Variants in DOCK9 observed in about 807,000 individuals in gnomAD.
DOCK9 encodes the protein dedicator of cytokinesis 9.
DOCK9 carries 89 observed loss-of-function variants against 263.3 expected under a neutral mutation model. The ratio of observed to expected loss-of-function variants is 0.34; its 90% CI spans 0.28 to 0.40. DOCK9 has a LOEUF of 0.40. DOCK9 is among the 10% of genes least tolerant of loss of function. DOCK9 has a pLI of 1.00. For missense variants in DOCK9, 2,140 were observed against 2,603.4 expected (o/e 0.82, Z 3.87); for synonymous variants, 976 against 973.1 (o/e 1.00, Z -0.06).
rs2041364166 is a variant in DOCK9 at position 99,065,242 on chromosome 13, A to AGTG, written c.129+20980_129+20981insCAC. On this transcript the variant is annotated intron_variant, in intron 1 of 32. Coordinates refer to the DOCK9 transcript ENST00000427887. ...TTCAAATACACATCAGCTTAGTCCC[A>AGTG]AAATACTTCTTACACATAACTTACA... Among the ~76,000 whole-genome samples the AGTG allele has an allele frequency of 2.0e-5, 3 of 152,320 alleles. No individual in the cohort carries two copies. The South Asian group carries it at 6.2e-4, about 32-fold the overall frequency.
rs180986026 is a variant in DOCK9 at position 99,063,140 on chromosome 13, A to T, written c.129+23083T>A. 4.2e-3 allele frequency among the ~76,000 whole-genome samples: 646 copies of T among 152,368 alleles called. 7 individuals carry two copies. Among genetic ancestry groups the T allele is most frequent in the South Asian group, 0.032 (154 of 4,826 alleles). ...AATATTAGAGAAGGATTTAAGAAAC[A>T]AAAGAAAAGAACCAACAGGAAGGCT... On this transcript the variant is annotated intron_variant, in intron 1 of 32. Coordinates refer to the DOCK9 transcript ENST00000427887.
At chr13:99,019,976 C>T (rs1285120427) in intron 1 of DOCK9, among the ~76,000 whole-genome samples, 1 of 152,162 alleles carries the variant, frequency 6.6e-6, no homozygotes, top group African/African-American at 2.4e-5. Context: ...GTGGTGTGCA[C>T]CTGTAGTCCC....
intron 30 of DOCK9, among the ~76,000 whole-genome samples, chr13:98,866,443 C>T (rs935069857): frequency 2.0e-5 from 3 of 152,146 alleles, no homozygotes; most frequent in East Asian, 1.9e-4. Flanking sequence ...GTGTTTCTCT[C>T]GGAATTCAGA....
intron 38 of DOCK9, among the ~76,000 whole-genome samples, chr13:98,845,548 A>G (rs1392896439): frequency 6.6e-6 from 1 of 152,224 alleles, no homozygotes; most frequent in African/African-American, 2.4e-5. Context: ...GGTGAAAGAA[A>G]TCCATCCCGA....
At chr13:98,799,101 C>T (rs2089799815) in intron 50 of DOCK9, among the ~76,000 whole-genome samples, 1 of 152,184 alleles carries the variant, frequency 6.6e-6, no homozygotes, top group African/African-American at 2.4e-5. Flanking sequence ...TATTTTGGCA[C>T]ATATGTCTTT....
chr13:99,016,294 G>A (rs1885405203), intron 1 of DOCK9, among the ~76,000 whole-genome samples: 1 of 152,186 alleles, frequency 6.6e-6, no homozygotes, highest in Non-Finnish European at 1.5e-5. Flanking sequence ...TTGCACGTAT[G>A]GATAACAGCT....
intron 45 of DOCK9, among the ~76,000 whole-genome samples, chr13:98,812,975 T>C (rs2091460503): frequency 6.6e-6 from 1 of 152,190 alleles, no homozygotes; most frequent in East Asian, 1.9e-4. Context: ...GGAAAGTGCT[T>C]TGTTTGAATA....
chr13:99,086,369 C>T, exon 1 of DOCK9: 1 of 1,213,732 alleles, frequency 8.2e-7, no homozygotes, highest in South Asian at 2.8e-5. Flanking sequence ...CCCCCGCCGC[C>T]TCCGCCTCCG....
chr13:98,966,709 A>G (rs764903995), intron 1 of DOCK9, among the ~76,000 whole-genome samples: 2 of 152,252 alleles, frequency 1.3e-5, no homozygotes, highest in Admixed American at 6.5e-5. Flanking sequence ...TGGAATATTC[A>G]TAACACATAG....
chr13:98,902,914 A>G (rs2048507258), intron 11 of DOCK9, 58 bp downstream of exon 11: 1 of 1,407,018 alleles, frequency 7.1e-7, no homozygotes, highest in Non-Finnish European at 9.3e-7. Context: ...CTGTAAAGGT[A>G]CATCTGAAAC....
intron 2 of DOCK9, chr13:98,950,073 C>T (rs1385191721): frequency 4.3e-6 from 2 of 462,984 alleles, no homozygotes; most frequent in Non-Finnish European, 8.0e-6. Context: ...ATTTTAGGCT[C>T]TTTGGGGTGA....
intron 1 of DOCK9, among the ~76,000 whole-genome samples, chr13:99,082,375 C>T (rs372643444): frequency 2.0e-5 from 3 of 151,396 alleles, no homozygotes; most frequent in Admixed American, 2.0e-4. Flanking sequence ...AAAAATTAGC[C>T]GGGTGTGGTG....
At chr13:98,886,451 A>T in intron 19 of DOCK9, 81 bp downstream of exon 19, 1 of 1,136,708 alleles carries the variant, frequency 8.8e-7, no homozygotes, top group Non-Finnish European at 1.3e-6. Context: ...GCTTCTCTTG[A>T]ATTTTCCTTT....
intron 45 of DOCK9, among the ~76,000 whole-genome samples, chr13:98,817,357 C>T (rs946090253): frequency 6.6e-6 from 1 of 151,368 alleles, no homozygotes; most frequent in East Asian, 1.9e-4. Flanking sequence ...GTTAAACCTG[C>T]GGAACTGTGA....
chr13:98,865,135 G>A (rs1418421558), intron 30 of DOCK9, among the ~76,000 whole-genome samples: 1 of 152,162 alleles, frequency 6.6e-6, no homozygotes, highest in Non-Finnish European at 1.5e-5. Flanking sequence ...CTAGATTGCA[G>A]ATTTCACTGC....
intron 52 of DOCK9, among the ~76,000 whole-genome samples, chr13:98,796,829 G>C (rs2089471713): frequency 6.6e-6 from 1 of 151,944 alleles, no homozygotes; most frequent in Admixed American, 6.6e-5. Flanking sequence ...TTTCTTTTTG[G>C]CTAGACGGGG....
intron 29 of DOCK9, 31 bp from the exon 30 acceptor site, chr13:98,867,567 C>T (rs1157423405): frequency 1.5e-6 from 2 of 1,303,760 alleles, no homozygotes; most frequent in African/African-American, 1.5e-5. Context: ...TCATAAATAC[C>T]TCACTGGATA....
rs117024802 is a variant in DOCK9 at position 98,987,062 on chromosome 13, T to A, written c.130-31511A>T. Among the ~76,000 whole-genome samples the A allele has an allele frequency of 6.5e-3, 991 of 152,118 alleles. 13 individuals carry two copies. The highest frequency in any genetic ancestry group is 7.8e-3 in the Non-Finnish European group (530 of 67,984). On this transcript the variant is annotated intron_variant, in intron 1 of 32. Transcript: ENST00000427887. ...AGGTCACTGCAGCACCATCACCATCTTCACCACCACCACCGCCACCACCAC... is the reference window on the plus strand; with the variant it reads ...AGGTCACTGCAGCACCATCACCATCATCACCACCACCACCGCCACCACCAC...
chr13:99,037,331 C>CA (rs1011938738), intron 1 of DOCK9, among the ~76,000 whole-genome samples: 8 of 151,330 alleles, frequency 5.3e-5, no homozygotes, highest in African/African-American at 1.7e-4. Flanking sequence ...AACATTTCGC[C>CA]AAAAAAAATA....
Sources: gnomAD v4.1 joint callset for allele counts (sites outside exome capture counted in the v4.1 genomes callset) on GRCh38, gnomAD v4.1.1 for gene constraint, MANE v1.5 for transcripts, NCBI Gene and HGNC (gene_info 2026-07-23, HGNC 2026-07-21) for gene names.